The following OR8B2 variants were observed in gnomAD, a reference collection of about 807,000 sequenced individuals.
OR8B2 encodes the protein olfactory receptor 8B2.
For missense variants in OR8B2, 304 were observed against 379.6 expected (o/e 0.80, Z 1.65); for synonymous variants, 98 against 138.2 (o/e 0.71, Z 2.04).
chr11:124,391,406 G>A, the OR8B2 span, among the ~76,000 whole-genome samples: 5 of 151,214 alleles, frequency 3.3e-5, no homozygotes, highest in South Asian at 2.1e-4. Flanking sequence ...GAATCAAATA[G>A]ATGCAATAAA....
the OR8B2 span, among the ~76,000 whole-genome samples, chr11:124,391,616 A>G: frequency 1.3e-5 from 2 of 152,188 alleles, no homozygotes; most frequent in Non-Finnish European, 2.9e-5. Context: ...AATTGAGGTA[A>G]TCAGTAGCTT....
the OR8B2 span, among the ~76,000 whole-genome samples, chr11:124,393,336 A>C: frequency 6.3e-3 from 929 of 147,736 alleles, 10 homozygotes; most frequent in Non-Finnish European, 9.4e-3. Context: ...CAACCTACAA[A>C]ATGGGAGAAA....
At chr11:124,389,077 G>C (rs1860744759), upstream of OR8B2, among the ~76,000 whole-genome samples, 1 of 152,058 alleles carries the variant, frequency 6.6e-6, no homozygotes, top group African/African-American at 2.4e-5. Flanking sequence ...GCCTGCCTCG[G>C]CCTCCCAAGG....
At chr11:124,383,840 G>A (rs1322823016) in intron 1 of OR8B2, among the ~76,000 whole-genome samples, 1 of 152,120 alleles carries the variant, frequency 6.6e-6, no homozygotes, top group East Asian at 1.9e-4. Context: ...CTTACTATAA[G>A]AATCCATGAA....
the OR8B2 span, chr11:124,397,263 AGGAAAAAGAGG>A: frequency 7.0e-7 from 1 of 1,435,082 alleles, no homozygotes; most frequent in Non-Finnish European, 9.6e-7. Flanking sequence ...CACTAGAAAC[AGGAAAAAGAGG>A]GGTTGCTGGA....
the OR8B2 span, chr11:124,396,529 C>A: frequency 6.2e-7 from 1 of 1,613,944 alleles, no homozygotes; most frequent in Non-Finnish European, 8.5e-7. Context: ...GTGTAGAAAA[C>A]AGAAGAAACT....
the OR8B2 span, among the ~76,000 whole-genome samples, chr11:124,389,514 C>G: frequency 0.26 from 39,590 of 151,938 alleles, 5,331 homozygotes; most frequent in South Asian, 0.39. Context: ...GAGTGTGTCT[C>G]TTTTCACTTT....
chr11:124,383,435 C>G (rs1342357146), intron 1 of OR8B2, 75 bp from the exon 2 acceptor site: 11 of 1,298,780 alleles, frequency 8.5e-6, no homozygotes, highest in African/African-American at 1.5e-5. Flanking sequence ...GGAGGGGACT[C>G]AGGCTGTAGG....
upstream of OR8B2, among the ~76,000 whole-genome samples, chr11:124,388,378 A>T (rs1428936879): frequency 6.6e-6 from 1 of 152,036 alleles, no homozygotes; most frequent in East Asian, 1.9e-4. Flanking sequence ...TCCATTCAGT[A>T]TGATATTGGC....
chr11:124,389,662 A>T, the OR8B2 span, among the ~76,000 whole-genome samples: 1 of 152,226 alleles, frequency 6.6e-6, no homozygotes, highest in African/African-American at 2.4e-5. Context: ...ATTTTGGCAG[A>T]GAAAAACTAT....
chr11:124,386,664 A>G (rs2134194461), upstream of OR8B2, among the ~76,000 whole-genome samples: 1 of 151,730 alleles, frequency 6.6e-6, no homozygotes, highest in East Asian at 1.9e-4. Flanking sequence ...TCATTGTTGG[A>G]CATTTGGGTT....
At chr11:124,396,560 A>T in the OR8B2 span, 5 of 1,613,724 alleles carry the variant, frequency 3.1e-6, no homozygotes, top group Non-Finnish European at 4.2e-6. Flanking sequence ...CCATAGATCC[A>T]GAAGAATATT....
At chr11:124,395,444 ATAAAGT>A in the OR8B2 span, 1 of 152,350 alleles carries the variant, frequency 6.6e-6, no homozygotes, top group East Asian at 1.9e-4. Context: ...TGGTGAGATG[ATAAAGT>A]TTAAGTAGGC....
the OR8B2 span, among the ~76,000 whole-genome samples, chr11:124,392,956 G>A: frequency 3.4e-5 from 5 of 145,782 alleles, no homozygotes; most frequent in East Asian, 4.1e-4. Flanking sequence ...CAGAAATAAC[G>A]CCACATATCT....
At chr11:124,395,152 T>C in the OR8B2 span, among the ~76,000 whole-genome samples, 4 of 151,076 alleles carry the variant, frequency 2.6e-5, no homozygotes, top group Admixed American at 6.6e-5. Context: ...AAAAAAAGCT[T>C]AAACTATAGG....
the OR8B2 span, among the ~76,000 whole-genome samples, chr11:124,391,859 C>T: frequency 6.7e-6 from 1 of 150,260 alleles, no homozygotes; most frequent in Non-Finnish European, 1.5e-5. Flanking sequence ...TGGAAAAATC[C>T]TCAATAAAAT....
At chr11:124,397,168 A>G in the OR8B2 span, 1 of 1,612,660 alleles carries the variant, frequency 6.2e-7, no homozygotes, top group Non-Finnish European at 8.5e-7. Flanking sequence ...TTGAAGAGGA[A>G]ATAGTACATT....
chr11:124,391,730 G>C, the OR8B2 span, among the ~76,000 whole-genome samples: 39,518 of 151,588 alleles, frequency 0.26, 5,343 homozygotes, highest in South Asian at 0.39. Flanking sequence ...CCAATCAATA[G>C]AAAAAGAGGG....
the OR8B2 span, among the ~76,000 whole-genome samples, chr11:124,392,695 G>A: frequency 0.012 from 1,483 of 118,808 alleles, no homozygotes; most frequent in South Asian, 0.033. Flanking sequence ...TGCCCAAGGT[G>A]ATTTATAGAT....
Sources: allele counts gnomAD v4.1 joint callset (sites outside exome capture counted in the v4.1 genomes callset), GRCh38; gene constraint gnomAD v4.1.1; transcripts MANE v1.5; gene names NCBI Gene and HGNC (gene_info 2026-07-23, HGNC 2026-07-21).